RABGAP1L: variants seen among roughly 807,000 people sequenced by gnomAD.
The protein encoded by RABGAP1L is RAB GTPase activating protein 1 like, also known as rab GTPase-activating protein 1-like.
RABGAP1L carries 63 observed loss-of-function variants against 137.7 expected under a neutral mutation model. The ratio of observed to expected loss-of-function variants is 0.46; its 90% CI spans 0.37 to 0.56. The LOEUF is 0.56. Ranked by LOEUF, RABGAP1L falls within the 20% of genes least tolerant of loss-of-function variation. RABGAP1L has a pLI of 0.00. For missense variants in RABGAP1L, 1,095 were observed against 1,244.0 expected (o/e 0.88, Z 1.80); for synonymous variants, 431 against 433.7 (o/e 0.99, Z 0.08).
At chr1:174,946,938 ATATGTGTGTGTG>A (rs1666931456) in intron 19 of RABGAP1L, among the ~76,000 whole-genome samples, 13 of 65,378 alleles carry the variant, frequency 2.0e-4, no homozygotes, top group East Asian at 1.4e-3. Context: ...ATATATATAT[ATATGTGTGTGTG>A]TGTGTGTGTG....
intron 10 of RABGAP1L, among the ~76,000 whole-genome samples, chr1:174,297,495 T>C (rs1677234114): frequency 6.6e-6 from 1 of 152,196 alleles, no homozygotes; most frequent in Non-Finnish European, 1.5e-5. Context: ...TCCACTCCAA[T>C]GAGCATTACG....
intron 7 of RABGAP1L, among the ~76,000 whole-genome samples, chr1:174,270,681 A>G (rs982604998): frequency 1.3e-5 from 2 of 152,170 alleles, no homozygotes; most frequent in African/African-American, 4.8e-5. Context: ...GAAAGAGAGT[A>G]TACTTTCCAA....
intron 10 of RABGAP1L, among the ~76,000 whole-genome samples, chr1:174,292,231 A>G (rs537010015): frequency 7.7e-4 from 111 of 144,218 alleles, no homozygotes; most frequent in East Asian, 5.7e-3. Context: ...GGGTGTTGCT[A>G]TGTTGCTCAG....
At chr1:174,181,670 T>G (rs1190166198) in intron 1 of RABGAP1L, among the ~76,000 whole-genome samples, 2 of 152,200 alleles carry the variant, frequency 1.3e-5, no homozygotes, top group Non-Finnish European at 2.9e-5. Context: ...CTGTGGATTT[T>G]GGTATCCATG....
chr1:174,973,374 T>C (rs1019367429), intron 21 of RABGAP1L, among the ~76,000 whole-genome samples: 4 of 150,690 alleles, frequency 2.7e-5, no homozygotes, highest in African/African-American at 9.7e-5. Flanking sequence ...CTTTTCTTTT[T>C]CTTTCATTTC....
intron 12 of RABGAP1L, among the ~76,000 whole-genome samples, chr1:174,383,338 G>T (rs1489473702): frequency 6.6e-6 from 1 of 151,568 alleles, no homozygotes; most frequent in Non-Finnish European, 1.5e-5. Flanking sequence ...CTTCCTGGCT[G>T]CTTTGTTTAC....
At chr1:174,333,247 C>T (rs556265841) in intron 11 of RABGAP1L, among the ~76,000 whole-genome samples, 1 of 152,200 alleles carries the variant, frequency 6.6e-6, no homozygotes, top group Non-Finnish European at 1.5e-5. Flanking sequence ...TCTGCTACTC[C>T]GTTTTACAGT....
At chr1:174,306,333 TCAC>T in intron 11 of RABGAP1L, among the ~76,000 whole-genome samples, 1 of 152,196 alleles carries the variant, frequency 6.6e-6, no homozygotes, top group Non-Finnish European at 1.5e-5. Context: ...CCTTGAGGAA[TCAC>T]CACACTGTCT....
intron 13 of RABGAP1L, among the ~76,000 whole-genome samples, chr1:174,546,637 A>G (rs1211951955): frequency 6.6e-6 from 1 of 152,188 alleles, no homozygotes. Context: ...AGTCCTTGCT[A>G]GGTAAGGGAA....
At chr1:174,305,216 G>A in intron 11 of RABGAP1L, 89 bp downstream of exon 11, 1 of 1,314,470 alleles carries the variant, frequency 7.6e-7, no homozygotes, top group Non-Finnish European at 9.9e-7. Flanking sequence ...GTGGGTAGAA[G>A]TGGTGGTTAT....
At chr1:174,495,256 A>G (rs1488078086) in intron 13 of RABGAP1L, among the ~76,000 whole-genome samples, 1 of 152,230 alleles carries the variant, frequency 6.6e-6, no homozygotes, top group African/African-American at 2.4e-5. Flanking sequence ...AGTGAAAGTC[A>G]GAGAGTGAAA....
At chr1:174,869,736 T>C (rs888890341) in intron 19 of RABGAP1L, among the ~76,000 whole-genome samples, 2 of 152,168 alleles carry the variant, frequency 1.3e-5, no homozygotes, top group African/African-American at 4.8e-5. Context: ...GACGGGATCT[T>C]TGACTGGTGA....
chr1:174,162,777 GTTTTT>G (rs67811794), intron 1 of RABGAP1L, among the ~76,000 whole-genome samples: 6 of 51,552 alleles, frequency 1.2e-4, no homozygotes, highest in Admixed American at 5.8e-4. Flanking sequence ...TTCTCTTTCT[GTTTTT>G]TTTTTTTTTT....
At chr1:174,341,428 G>A (rs1681963101) in intron 11 of RABGAP1L, among the ~76,000 whole-genome samples, 2 of 152,150 alleles carry the variant, frequency 1.3e-5, no homozygotes, top group South Asian at 4.1e-4. Context: ...CAACACTTCT[G>A]TAAGTGTTGT....
chr1:174,602,923 C>G (rs904517739), intron 13 of RABGAP1L, among the ~76,000 whole-genome samples: 10 of 152,124 alleles, frequency 6.6e-5, no homozygotes, highest in Admixed American at 1.3e-4. Context: ...GCCACTATCT[C>G]TGTTTCTCCA....
intron 13 of RABGAP1L, among the ~76,000 whole-genome samples, chr1:174,590,564 T>C (rs1176550954): frequency 7.5e-5 from 7 of 93,502 alleles, no homozygotes; most frequent in African/African-American, 3.1e-4. Flanking sequence ...AGTGATCTCA[T>C]TGTTCAATTC....
At chr1:174,241,790 A>G (rs1671849029) in intron 5 of RABGAP1L, 133 bp downstream of exon 5, 2 of 821,306 alleles carry the variant, frequency 2.4e-6, no homozygotes, top group East Asian at 2.8e-5. Flanking sequence ...TAATATTTGT[A>G]ATGACATAGA....
In RABGAP1L at chr1:174,915,136, G is replaced by A. The variant is rs531748801; in HGVS notation, c.2341-42321G>A. 3.3e-5 allele frequency among the ~76,000 whole-genome samples: 5 copies of A among 152,276 alleles called. No homozygotes were observed. The South Asian group carries it at 1.0e-3, about 32-fold the overall frequency. ...TACTATGAATAATGCTCCTATGAAT[G>A]TTCCCCACAAGTTTTTCTGTGAACA... On this transcript the variant is annotated intron_variant, in intron 19 of 25. Coordinates refer to ENST00000681986, the MANE Select transcript of RABGAP1L (RefSeq NM_001366446.1).
chr1:174,777,509 C>G (rs974406652), intron 18 of RABGAP1L, among the ~76,000 whole-genome samples: 1 of 152,200 alleles, frequency 6.6e-6, no homozygotes, highest in Middle Eastern at 3.2e-3. Flanking sequence ...GGTTGAGCAT[C>G]ATTGCTTTAT....
Sources: allele counts gnomAD v4.1 joint callset (sites outside exome capture counted in the v4.1 genomes callset), GRCh38; gene constraint gnomAD v4.1.1; transcripts MANE v1.5; gene names NCBI Gene and HGNC (gene_info 2026-07-23, HGNC 2026-07-21).